FHOD3: variants seen among roughly 807,000 people sequenced by gnomAD.
The protein encoded by FHOD3 is FH1/FH2 domain-containing protein 3.
Under a neutral mutation model 173.0 loss-of-function variants are expected in FHOD3, and 90 were observed. That is an observed-to-expected ratio of 0.52 (90% CI 0.44 to 0.62). The LOEUF is 0.62. FHOD3 is among the 20% of genes least tolerant of loss of function. The pLI is 0.00. For missense variants in FHOD3, 1,945 were observed against 2,034.7 expected (o/e 0.96, Z 0.85); for synonymous variants, 828 against 823.0 (o/e 1.01, Z -0.10).
intron 28 of FHOD3, among the ~76,000 whole-genome samples, chr18:36,772,292 T>C (rs1473172012): frequency 6.6e-6 from 1 of 152,264 alleles, no homozygotes. Flanking sequence ...CTTTGATTTC[T>C]GTTATAAAGG....
intron 4 of FHOD3, among the ~76,000 whole-genome samples, chr18:36,507,090 G>C (rs193209376): frequency 6.6e-6 from 1 of 150,772 alleles, no homozygotes; most frequent in Non-Finnish European, 1.5e-5. Context: ...TTGTATAAAT[G>C]GCATGTCATG....
In FHOD3 at chr18:36,743,973, C is replaced by T. The variant is rs1334585943; in HGVS notation, c.3880-59C>T. ...CAGCCAAGAATTGATCCTAACCATC[C>T]TGTGCTATTCTCTAAGAGCCTGCTT... is the stretch of plus-strand genomic sequence containing the variant. On this transcript the variant is annotated intron_variant, in intron 22 of 28. Coordinates refer to ENST00000590592, the MANE Select transcript of FHOD3 (RefSeq NM_001281740.3). 12 of 1,582,554 alleles carry T rather than the reference C, an allele frequency of 7.6e-6. 1 individual carries two copies. The South Asian group carries it at 8.9e-5, about 12-fold the overall frequency.
chr18:36,400,830 G>C (rs2146664488), intron 3 of FHOD3, among the ~76,000 whole-genome samples: 1 of 152,342 alleles, frequency 6.6e-6, no homozygotes, highest in Middle Eastern at 3.4e-3. Context: ...CAGAGGAGGA[G>C]AGGACCCATC....
At chr18:36,386,142 G>GCTA (rs2048022610) in intron 3 of FHOD3, among the ~76,000 whole-genome samples, 1 of 152,204 alleles carries the variant, frequency 6.6e-6, no homozygotes, top group Non-Finnish European at 1.5e-5. Context: ...CAAGAAACAT[G>GCTA]CTAGTGATGG....
chr18:36,716,893 C>T (rs907686970), intron 18 of FHOD3, among the ~76,000 whole-genome samples: 15 of 147,014 alleles, frequency 1.0e-4, no homozygotes, highest in African/African-American at 1.3e-4. Context: ...TTTTTTAAGA[C>T]GGGGGAAATT....
intron 19 of FHOD3, among the ~76,000 whole-genome samples, chr18:36,720,758 TGC>T (rs2040733411): frequency 1.3e-5 from 2 of 151,382 alleles, no homozygotes; most frequent in African/African-American, 4.9e-5. Flanking sequence ...CTTCTCCTCC[TGC>T]TCCTTCTCCT....
chr18:36,397,544 G>A (rs1412219474), intron 3 of FHOD3, among the ~76,000 whole-genome samples: 1 of 152,114 alleles, frequency 6.6e-6, no homozygotes, highest in Non-Finnish European at 1.5e-5. Context: ...GACCCCATAT[G>A]CTCTTCACCC....
chr18:36,526,348 A>G (rs1283486005), intron 5 of FHOD3, among the ~76,000 whole-genome samples: 1 of 152,206 alleles, frequency 6.6e-6, no homozygotes, highest in Non-Finnish European at 1.5e-5. Flanking sequence ...AATTTTAAGT[A>G]GTTCAATCCT....
chr18:36,366,789 A>G (rs1405783337), intron 2 of FHOD3, among the ~76,000 whole-genome samples: 1 of 152,198 alleles, frequency 6.6e-6, no homozygotes, highest in African/African-American at 2.4e-5. Flanking sequence ...CCACAGCTCC[A>G]GAAGCTTACT....
At chr18:36,460,250 C>T (rs1391245395) in intron 3 of FHOD3, among the ~76,000 whole-genome samples, 1 of 152,140 alleles carries the variant, frequency 6.6e-6, no homozygotes, top group Non-Finnish European at 1.5e-5. Context: ...GGAAGGAAGT[C>T]ACCATACGCA....
intron 6 of FHOD3, among the ~76,000 whole-genome samples, chr18:36,580,359 T>A (rs1056269496): frequency 2.0e-5 from 3 of 152,212 alleles, no homozygotes; most frequent in African/African-American, 7.2e-5. Flanking sequence ...TAGAATAGTC[T>A]CTGGCTCCTG....
At chr18:36,446,230 C>T (rs1245009936) in intron 3 of FHOD3, among the ~76,000 whole-genome samples, 2 of 152,188 alleles carry the variant, frequency 1.3e-5, no homozygotes, top group African/African-American at 2.4e-5. Flanking sequence ...ATGCTGAGCA[C>T]TGGCAATCTG....
intron 3 of FHOD3, among the ~76,000 whole-genome samples, chr18:36,435,539 G>A (rs1199482647): frequency 6.6e-6 from 1 of 152,140 alleles, no homozygotes; most frequent in Non-Finnish European, 1.5e-5. Context: ...AGCCAGTAAT[G>A]TAAGACTACA....
intron 24 of FHOD3, among the ~76,000 whole-genome samples, chr18:36,749,081 G>T (rs189009306): frequency 6.6e-6 from 1 of 152,122 alleles, no homozygotes; most frequent in Non-Finnish European, 1.5e-5. Flanking sequence ...TTTGATGTCA[G>T]ATCAAAAAGT....
At chr18:36,511,186 A>G (rs1253048337) in intron 4 of FHOD3, among the ~76,000 whole-genome samples, 2 of 152,126 alleles carry the variant, frequency 1.3e-5, no homozygotes, top group African/African-American at 4.8e-5. Context: ...GTGATCATTT[A>G]AGATGAATGT....
At chr18:36,401,093 G>A (rs914256483) in intron 3 of FHOD3, among the ~76,000 whole-genome samples, 2 of 152,276 alleles carry the variant, frequency 1.3e-5, no homozygotes, top group South Asian at 4.2e-4. Context: ...TTTGCAGGAC[G>A]TGATGCATGG....
At chr18:36,334,236 A>C (rs56384902) in intron 1 of FHOD3, among the ~76,000 whole-genome samples, 24,076 of 152,272 alleles carry the variant, frequency 0.16, 2,155 homozygotes, top group South Asian at 0.34. Context: ...TATGGATTAC[A>C]TTTTTAATAA....
intron 3 of FHOD3, among the ~76,000 whole-genome samples, chr18:36,440,836 T>C (rs1027662127): frequency 1.3e-5 from 2 of 152,210 alleles, no homozygotes; most frequent in Admixed American, 1.3e-4. Flanking sequence ...GCCATTCCTC[T>C]GAGGCTGGGC....
chr18:36,344,831 G>A (rs1314790864), intron 1 of FHOD3, among the ~76,000 whole-genome samples: 2 of 152,010 alleles, frequency 1.3e-5, no homozygotes, highest in African/African-American at 4.8e-5. Flanking sequence ...TGTAAGTAAA[G>A]GACTAAAAGA....
Sources: allele counts gnomAD v4.1 joint callset (sites outside exome capture counted in the v4.1 genomes callset), GRCh38; gene constraint gnomAD v4.1.1; transcripts MANE v1.5; gene names NCBI Gene and HGNC (gene_info 2026-07-23, HGNC 2026-07-21).